KPNB1: variants seen among roughly 807,000 people sequenced by gnomAD.
KPNB1 encodes the protein karyopherin subunit beta 1.
KPNB1 carries 7 observed loss-of-function variants against 113.0 expected under a neutral mutation model. The observed-to-expected ratio is 0.06, with a 90% CI of 0.04 to 0.12. The LOEUF is 0.12. Among genes scored for constraint, KPNB1 ranks in the 10% least tolerant of loss-of-function variants. KPNB1 has a pLI of 1.00. For missense variants in KPNB1, 400 were observed against 1,054.8 expected (o/e 0.38, Z 8.60); for synonymous variants, 363 against 378.6 (o/e 0.96, Z 0.48).
chr17:47,678,039 T>A lies in KPNB1; in HGVS notation c.2104-7T>A, dbSNP rs759922720. The A allele has an allele frequency of 6.2e-7, 1 of 1,610,166 alleles. No individual in the cohort carries two copies. Among genetic ancestry groups the A allele is most frequent in the Admixed American group, 1.7e-5 (1 of 58,936 alleles). On this transcript the variant is annotated splice_region_variant and splice_polypyrimidine_tract_variant and intron_variant, in intron 17 of 21. Coordinates refer to ENST00000290158, the MANE Select transcript of KPNB1 (RefSeq NM_002265.6). Reference sequence around the variant, plus strand: ...CTTAATTCACTTTTCCTTTTGTTCCTTGTCAGAATGAGAACGTCCACAGGT... The same window carrying A: ...CTTAATTCACTTTTCCTTTTGTTCCATGTCAGAATGAGAACGTCCACAGGT...
intron 21 of KPNB1, among the ~76,000 whole-genome samples, chr17:47,681,687 T>G (rs75325493): frequency 4.4e-5 from 1 of 22,706 alleles, no homozygotes; most frequent in East Asian, 8.1e-4. Context: ...GAATTATAGG[T>G]TTTTTTTTTT....
rs2143191388 is a variant in KPNB1 at position 47,682,412 on chromosome 17, C to A, written c.*8C>A. 1.3e-6 allele frequency: 1 copy of A among 780,636 alleles called. No individual in the cohort carries two copies. Among genetic ancestry groups the A allele is most frequent in the Non-Finnish European group, 2.4e-6 (1 of 418,112 alleles). The allele number at this position is 780,636 out of a possible 1,614,324, so 48.4% of individuals were successfully genotyped here. ...TTTCCATCTGTTTTCAGATCTGTTA[C>A]CATTGGGATGATAACCTGAGGACCC... is the stretch of plus-strand genomic sequence containing the variant. On this transcript the variant is annotated 3_prime_UTR_variant, in exon 22 of 22. Coordinates refer to ENST00000290158, the MANE Select transcript of KPNB1 (RefSeq NM_002265.6).
At position 47,682,918 on chromosome 17, in the gene KPNB1, A is replaced by G. The variant is rs1355845973; in HGVS notation, c.*514A>G. 1.3e-5 allele frequency: 2 copies of G among 156,538 alleles called. No homozygotes were observed. Among genetic ancestry groups the G allele is most frequent in the Non-Finnish European group, 2.8e-5 (2 of 70,344 alleles). 9.7% of individuals were successfully genotyped at this position (156,538 alleles called of 1,614,324 possible). ...ATGGTACTGTATGCTTGCCAGCTAG[A>G]AGGAGGGTCAGGGATTTTTTACAGT... On this transcript the variant is annotated 3_prime_UTR_variant, in exon 22 of 22. Transcript: ENST00000290158.
intron 6 of KPNB1, among the ~76,000 whole-genome samples, chr17:47,661,894 T>C (rs750285650): frequency 6.6e-6 from 1 of 152,198 alleles, no homozygotes; most frequent in African/African-American, 2.4e-5. Context: ...AAAATATATA[T>C]ACACAAACAG....
intron 3 of KPNB1, among the ~76,000 whole-genome samples, 193 bp downstream of exon 3, chr17:47,653,069 G>A (rs1761038000): frequency 6.6e-6 from 1 of 152,078 alleles, no homozygotes. Context: ...TGATGGATTG[G>A]AATTCTTTTT....
At chr17:47,657,191 C>T (rs1021869448) in intron 4 of KPNB1, 131 bp downstream of exon 4, 5 of 753,658 alleles carry the variant, frequency 6.6e-6, no homozygotes, top group Non-Finnish European at 1.1e-5. Context: ...GAAAGTGAGA[C>T]TGATTTATTT....
chr17:47,669,998 A>G (rs556560352), intron 11 of KPNB1, 129 bp downstream of exon 11: 14 of 711,804 alleles, frequency 2.0e-5, no homozygotes, highest in East Asian at 1.1e-4. Flanking sequence ...AATTTATTCA[A>G]TTAAAATGTG....
intron 10 of KPNB1, among the ~76,000 whole-genome samples, chr17:47,668,965 CAAA>C (rs1166556330): frequency 1.6e-5 from 2 of 128,986 alleles, no homozygotes; most frequent in Non-Finnish European, 1.7e-5. Flanking sequence ...AACTCTATCT[CAAA>C]AAAAAAAAAA....
intron 13 of KPNB1, 130 bp from the exon 14 acceptor site, chr17:47,673,360 A>G (rs1309727897): frequency 6.7e-6 from 6 of 889,580 alleles, no homozygotes; most frequent in South Asian, 1.5e-5. Context: ...TATGTGTTAC[A>G]CTATATGTAT....
In KPNB1 at chr17:47,683,118, A is replaced by AACAC. The variant is rs1310688546; in HGVS notation, c.*722_*725dup. The AACAC allele has an allele frequency of 7.0e-6, 1 of 143,164 alleles. No individual in the cohort carries two copies. Among genetic ancestry groups the AACAC allele is most frequent in the African/African-American group, 2.6e-5 (1 of 38,000 alleles). 8.9% of individuals were successfully genotyped at this position (143,164 alleles called of 1,614,324 possible). On this transcript the variant is annotated 3_prime_UTR_variant, in exon 22 of 22. Coordinates refer to ENST00000290158, the MANE Select transcript of KPNB1 (RefSeq NM_002265.6). ...AAAAAAAAAAAAAAAAAAAAAAAAA[A>AACAC]ACACACACACAGAGGAAAGACGCTC...
In KPNB1 at chr17:47,651,408, C is replaced by G. The variant is rs1915565531; in HGVS notation, c.99+964C>G. On this transcript the variant is annotated intron_variant, in intron 2 of 21. Transcript: ENST00000290158. ...GGAATTAAGTCTGAGTAACACTAAC[C>G]ATATGTGTTCCTTTGTGTTATATAG... 5.4e-6 allele frequency: 5 copies of G among 928,534 alleles called. No individual in the cohort carries two copies. The South Asian group carries it at 2.5e-4, about 46-fold the overall frequency. 57.5% of individuals were successfully genotyped at this position (928,534 alleles called of 1,614,324 possible). A position where few individuals can be genotyped will look rare whatever the true frequency, so the allele number is the denominator to read the frequency against.
chr17:47,664,938 AC>A, intron 8 of KPNB1, 118 bp from the exon 9 acceptor site: 1 of 743,866 alleles, frequency 1.3e-6, no homozygotes, highest in Admixed American at 2.3e-5. Flanking sequence ...ATTGTATGTT[AC>A]CATTTGTCCT....
At position 47,663,535 on chromosome 17, in the gene KPNB1, G is replaced by A. The variant is rs138747314; in HGVS notation, c.786+357G>A. Among the ~76,000 whole-genome samples the A allele has an allele frequency of 7.6e-3, 1,161 of 152,202 alleles. 7 individuals carry two copies. Among genetic ancestry groups the A allele is most frequent in the Middle Eastern group, 0.014 (4 of 294 alleles). ...AAAAATTAGCTGAACGTGGTGGCAC[G>A]TGCCTGTAATCCCAGCTACTCTGGA... On this transcript the variant is annotated intron_variant, in intron 7 of 21. Transcript: ENST00000290158.
intron 4 of KPNB1, 41 bp downstream of exon 4, chr17:47,657,101 T>C (rs759752339): frequency 5.2e-6 from 8 of 1,536,556 alleles, no homozygotes; most frequent in Non-Finnish European, 6.3e-6. Context: ...ATACCTCTGA[T>C]TGCCTCTAGC....
chr17:47,659,685 GAAAT>G (rs1163253752), intron 5 of KPNB1, among the ~76,000 whole-genome samples: 2 of 152,106 alleles, frequency 1.3e-5, no homozygotes, highest in African/African-American at 2.4e-5. Context: ...AATGAAAAAT[GAAAT>G]AAATAAAAAT....
chr17:47,675,114 C>T (rs529169137), intron 15 of KPNB1, among the ~76,000 whole-genome samples: 5 of 152,148 alleles, frequency 3.3e-5, no homozygotes, highest in African/African-American at 1.2e-4. Context: ...CCACTGGGCC[C>T]AGCTTAATTT....
chr17:47,676,856 G>C (rs2030629282), intron 16 of KPNB1, among the ~76,000 whole-genome samples, 164 bp from the exon 17 acceptor site: 1 of 137,158 alleles, frequency 7.3e-6, no homozygotes, highest in Admixed American at 7.9e-5. Flanking sequence ...CTCTCGGATA[G>C]TCTTTGTTCC....
intron 10 of KPNB1, among the ~76,000 whole-genome samples, 176 bp from the exon 11 acceptor site, chr17:47,669,502 T>C (rs938246838): frequency 5.3e-5 from 8 of 151,918 alleles, no homozygotes; most frequent in African/African-American, 1.9e-4. Flanking sequence ...ACTGGAGTTT[T>C]GAAAGATATT....
intron 16 of KPNB1, among the ~76,000 whole-genome samples, 172 bp downstream of exon 16, chr17:47,676,663 CAGGA>C (rs2030622391): frequency 6.6e-6 from 1 of 152,112 alleles, no homozygotes; most frequent in Non-Finnish European, 1.5e-5. Context: ...CCATGAAAAA[CAGGA>C]TATTAGATGT....
Sources: gnomAD v4.1 joint callset for allele counts (sites outside exome capture counted in the v4.1 genomes callset) on GRCh38, gnomAD v4.1.1 for gene constraint, MANE v1.5 for transcripts, NCBI Gene and HGNC (gene_info 2026-07-23, HGNC 2026-07-21) for gene names.